The following INPP5A variants were observed in gnomAD, a reference collection of about 807,000 sequenced individuals.
INPP5A encodes inositol polyphosphate-5-phosphatase A, also known as 43 kDa inositol polyphosphate 5-phophatase.
A neutral mutation model predicts 65.2 loss-of-function variants in INPP5A; 14 were observed. The ratio of observed to expected loss-of-function variants is 0.21; its 90% confidence interval spans 0.14 to 0.34. The LOEUF is 0.34. INPP5A is among the 10% of genes least tolerant of loss of function. The probability of loss-of-function intolerance (pLI) is 1.00; values close to 1 mark genes in which losing one functional copy is unlikely to be tolerated. For synonymous variants in INPP5A, 207 were observed against 208.3 expected (o/e 0.99, Z 0.05); for missense variants, 431 against 545.6 (o/e 0.79, Z 2.09).
chr10:132,758,274 C>T (rs1590991263), intron 11 of INPP5A, among the ~76,000 whole-genome samples: 1 of 120,086 alleles, frequency 8.3e-6, no homozygotes, highest in Admixed American at 8.3e-5. Flanking sequence ...CGTGGGTCCC[C>T]GGCCGACCCC....
At chr10:132,759,627 G>A (rs1296495911) in intron 11 of INPP5A, among the ~76,000 whole-genome samples, 2 of 151,994 alleles carry the variant, frequency 1.3e-5, no homozygotes, top group African/African-American at 2.4e-5. Context: ...TGCTAACATC[G>A]AAGCTCTCGG....
chr10:132,630,913 C>T (rs1034852488), intron 2 of INPP5A, among the ~76,000 whole-genome samples: 3 of 152,170 alleles, frequency 2.0e-5, no homozygotes, highest in African/African-American at 7.2e-5. Context: ...CTGCCCGTGG[C>T]GTCTCCGGCA....
At chr10:132,717,117 T>A (rs1403615066) in intron 8 of INPP5A, among the ~76,000 whole-genome samples, 1 of 152,014 alleles carries the variant, frequency 6.6e-6, no homozygotes, top group Non-Finnish European at 1.5e-5. Flanking sequence ...TGAGTTCTGG[T>A]GACAGCTTGC....
intron 8 of INPP5A, among the ~76,000 whole-genome samples, chr10:132,726,328 C>T (rs926093751): frequency 1.3e-5 from 2 of 152,234 alleles, no homozygotes; most frequent in African/African-American, 4.8e-5. Flanking sequence ...GGCTCCGGTT[C>T]CTGCCGGTTC....
chr10:132,694,783 ATAACT>A (rs1355466786), intron 5 of INPP5A, among the ~76,000 whole-genome samples: 4 of 152,226 alleles, frequency 2.6e-5, no homozygotes, highest in Non-Finnish European at 5.9e-5. Context: ...TATAAATGTA[ATAACT>A]TAGATGGGCC....
intron 8 of INPP5A, among the ~76,000 whole-genome samples, chr10:132,719,102 G>T (rs1845807300): frequency 6.8e-6 from 1 of 148,088 alleles, no homozygotes; most frequent in African/African-American, 2.5e-5. Flanking sequence ...GTTCTGTCTG[G>T]GCACCTTAGA....
At chr10:132,595,662 A>G (rs1020315900) in intron 1 of INPP5A, among the ~76,000 whole-genome samples, 1 of 152,110 alleles carries the variant, frequency 6.6e-6, no homozygotes, top group Non-Finnish European at 1.5e-5. Context: ...GTCATGTTTT[A>G]TCCAATAAAT....
chr10:132,711,589 G>A (rs963786413), intron 8 of INPP5A, among the ~76,000 whole-genome samples: 6 of 152,254 alleles, frequency 3.9e-5, no homozygotes, highest in African/African-American at 1.2e-4. Context: ...CCCAGCCCCC[G>A]TGCGTGCAGA....
intron 4 of INPP5A, among the ~76,000 whole-genome samples, chr10:132,660,605 CTGAGCAGAGGCTCT>C (rs1231267833): frequency 1.0e-4 from 15 of 149,756 alleles, no homozygotes; most frequent in African/African-American, 3.3e-4. Flanking sequence ...GCTCTGGTGT[CTGAGCAGAGGCTCT>C]GGTGTCTGAG....
rs1204964941 is a variant in INPP5A, at chr10:132,754,876, GAT to G, written c.903+5034_903+5035del. Among the ~76,000 whole-genome samples the G allele has an allele frequency of 2.6e-5, 4 of 152,096 alleles. No individual in the cohort carries two copies. In the East Asian group the frequency reaches 7.7e-4, roughly 29 times the overall value. ...GAGTGTGTGTCAGCGTGTGTGCGTG[GAT>G]ATGTGTGTGAGCAGGCATATGCATG... On this transcript the variant is annotated intron_variant, in intron 11 of 15. Transcript: ENST00000368594.
chr10:132,695,433 G>T (rs1167134651), intron 5 of INPP5A, among the ~76,000 whole-genome samples: 1 of 152,176 alleles, frequency 6.6e-6, no homozygotes, highest in Non-Finnish European at 1.5e-5. Flanking sequence ...ATGAGATCAG[G>T]AACAAGGCAA....
intron 1 of INPP5A, among the ~76,000 whole-genome samples, chr10:132,541,498 C>T (rs764996357): frequency 3.3e-5 from 5 of 152,214 alleles, no homozygotes; most frequent in South Asian, 2.1e-4. Flanking sequence ...TACAGTGTAC[C>T]GGTCCCCAAG....
At chr10:132,561,568 T>C (rs2071206220) in intron 1 of INPP5A, among the ~76,000 whole-genome samples, 1 of 152,204 alleles carries the variant, frequency 6.6e-6, no homozygotes, top group African/African-American at 2.4e-5. Flanking sequence ...TCTGTCCTTA[T>C]GCCAGTACCA....
intron 1 of INPP5A, among the ~76,000 whole-genome samples, chr10:132,559,027 G>A (rs1192926454): frequency 1.3e-5 from 2 of 152,184 alleles, no homozygotes; most frequent in Non-Finnish European, 2.9e-5. Context: ...GTCCAGCCCC[G>A]TCCTCTGGCC....
chr10:132,556,379 A>G (rs1245841371), intron 1 of INPP5A, among the ~76,000 whole-genome samples: 2 of 152,048 alleles, frequency 1.3e-5, no homozygotes, highest in African/African-American at 4.8e-5. Flanking sequence ...GTGCACCTCC[A>G]CGGGGACCAG....
In INPP5A at chr10:132,627,366, C is replaced by T. The variant is rs1262805685; in HGVS notation, c.118-18502C>T. 6.6e-6 allele frequency among the ~76,000 whole-genome samples: 1 copy of T among 152,118 alleles called. No homozygotes were observed. The highest frequency in any genetic ancestry group is 6.5e-5 in the Admixed American group (1 of 15,282). On this transcript the variant is annotated intron_variant, in intron 2 of 15. Transcript: ENST00000368594. This position sits in a 1 kb window ranked among gnomAD's most constrained non-coding sequence, Gnocchi z 6.6. Reference sequence around the variant, plus strand: ...CCGGGGCCGGGAGCTGCTGCTGGCTCCACACCTGTCCTGAGAGGGTCTGTC... The same window carrying T: ...CCGGGGCCGGGAGCTGCTGCTGGCTTCACACCTGTCCTGAGAGGGTCTGTC...
At chr10:132,760,722 C>G (rs929795085) in intron 11 of INPP5A, among the ~76,000 whole-genome samples, 1 of 152,232 alleles carries the variant, frequency 6.6e-6, no homozygotes, top group Non-Finnish European at 1.5e-5. Flanking sequence ...GCCCCTCTCT[C>G]CCATGGCCCA....
chr10:132,671,236 T>G (rs928396764), intron 4 of INPP5A, among the ~76,000 whole-genome samples: 9 of 152,078 alleles, frequency 5.9e-5, no homozygotes, highest in African/African-American at 1.9e-4. Context: ...CTGGGGCCCC[T>G]GGAGCCGTGG....
intron 1 of INPP5A, among the ~76,000 whole-genome samples, chr10:132,569,581 C>T (rs1382713941): frequency 1.3e-5 from 2 of 152,230 alleles, no homozygotes; most frequent in African/African-American, 4.8e-5. Context: ...TGGTCTCGAA[C>T]TCCTGAGTGC....
Sources: allele counts gnomAD v4.1 joint callset (sites outside exome capture counted in the v4.1 genomes callset), GRCh38; gene constraint gnomAD v4.1.1; non-coding constraint Gnocchi (gnomAD v3.1); transcripts MANE v1.5; gene names NCBI Gene and HGNC (gene_info 2026-07-23, HGNC 2026-07-21).